FAM76A: variants seen among roughly 807,000 people sequenced by gnomAD.
The protein encoded by FAM76A is protein FAM76A.
In FAM76A, 32 loss-of-function variants were observed where a neutral mutation model predicts 46.2. That is an observed-to-expected ratio of 0.69 (90% CI 0.52 to 0.93). FAM76A has a LOEUF of 0.93. Ranked by LOEUF, FAM76A falls within the 40% of genes least tolerant of loss-of-function variation. The pLI is 0.00. For synonymous variants in FAM76A, 137 were observed against 127.0 expected, an observed-to-expected ratio of 1.08 and a Z score of -0.53; for missense variants, 274 against 361.5, an observed-to-expected ratio of 0.76 and a Z score of 1.96.
chr1:27,758,819 A>G (rs2088459077), intron 7 of FAM76A, among the ~76,000 whole-genome samples: 1 of 150,958 alleles, frequency 6.6e-6, no homozygotes, highest in Non-Finnish European at 1.5e-5. Flanking sequence ...CTCCTGGCCC[A>G]GAGTTAGGGT....
At chr1:27,753,393 AAGACAGGTCCT>A (rs1557786493) in intron 6 of FAM76A, among the ~76,000 whole-genome samples, 1 of 152,198 alleles carries the variant, frequency 6.6e-6, no homozygotes, top group African/African-American at 2.4e-5. Context: ...CAGTTGAAGA[AAGACAGGTCCT>A]TAGCAGGTAT....
intron 4 of FAM76A, among the ~76,000 whole-genome samples, chr1:27,744,158 C>T (rs1412608484): frequency 6.6e-6 from 1 of 152,090 alleles, no homozygotes; most frequent in Non-Finnish European, 1.5e-5. Flanking sequence ...GAGATGGAGT[C>T]ACGCTCTGTT....
chr1:27,745,889 G>A (rs1288680664), intron 5 of FAM76A, among the ~76,000 whole-genome samples: 1 of 152,174 alleles, frequency 6.6e-6, no homozygotes, highest in African/African-American at 2.4e-5. Flanking sequence ...GCTTTTGGCT[G>A]GGAGCTGGGG....
Position 27,760,739 on chromosome 1 carries a change from A to G in FAM76A, c.*158A>G. 1 of 497,826 alleles carries G rather than the reference A, an allele frequency of 2.0e-6. No homozygotes were observed. The highest frequency in any genetic ancestry group is 3.7e-6 in the Non-Finnish European group (1 of 269,994). The allele number at this position is 497,826 out of a possible 1,614,324, so 30.8% of individuals were successfully genotyped here. A position where few individuals can be genotyped will look rare whatever the true frequency, so the allele number is the denominator to read the frequency against. On this transcript the variant is annotated 3_prime_UTR_variant, in exon 9 of 9. Coordinates refer to ENST00000373954, the MANE Select transcript of FAM76A (RefSeq NM_152660.3). The stretch of plus-strand genomic sequence containing the variant: ...CGATTGCAGTGGGCTGAATGGAAAC[A>G]CCTGGTTTGTGCTGTGTTAGACTGC...
intron 8 of FAM76A, chr1:27,759,926 C>T (rs1009910277): frequency 2.0e-6 from 1 of 493,582 alleles, no homozygotes; most frequent in Non-Finnish European, 4.0e-6. Flanking sequence ...TACCACCATA[C>T]CCCACTAATT....
intron 4 of FAM76A, among the ~76,000 whole-genome samples, chr1:27,743,101 G>A (rs907106656): frequency 6.6e-6 from 1 of 152,010 alleles, no homozygotes. Context: ...GGTAATGCGT[G>A]TTAATTAGCT....
intron 6 of FAM76A, among the ~76,000 whole-genome samples, chr1:27,754,402 G>A (rs558041017): frequency 3.3e-5 from 5 of 152,154 alleles, no homozygotes; most frequent in African/African-American, 9.6e-5. Flanking sequence ...CACCGCGCCC[G>A]GCCTAAAACT....
intron 6 of FAM76A, among the ~76,000 whole-genome samples, chr1:27,753,196 AAG>A (rs1474304068): frequency 1.3e-5 from 2 of 152,256 alleles, no homozygotes; most frequent in East Asian, 1.9e-4. Context: ...AAAAAGAGAA[AAG>A]AGAGAGTTAG....
At chr1:27,754,163 A>C (rs913984692) in intron 6 of FAM76A, among the ~76,000 whole-genome samples, 1 of 142,160 alleles carries the variant, frequency 7.0e-6, no homozygotes, top group Admixed American at 7.2e-5. Context: ...CTGGAGTGCA[A>C]TGGCGCAATC....
At chr1:27,739,276 A>G (rs1234600058) in intron 4 of FAM76A, 5 of 520,544 alleles carry the variant, frequency 9.6e-6, no homozygotes, top group Non-Finnish European at 1.6e-5. Flanking sequence ...GCCTACTGCC[A>G]AGTAGAAGAA....
At chr1:27,755,093 G>T in intron 6 of FAM76A, 102 bp from the exon 7 acceptor site, 1 of 1,311,410 alleles carries the variant, frequency 7.6e-7, no homozygotes. Context: ...TAGGATTCCT[G>T]CCCTTTAGGA....
intron 1 of FAM76A, among the ~76,000 whole-genome samples, chr1:27,726,694 A>C (rs80182830): frequency 0.021 from 3,091 of 150,464 alleles, 92 homozygotes; most frequent in African/African-American, 0.07. Flanking sequence ...GCAAGGCTTT[A>C]TGTTTTAAAA....
chr1:27,748,787 T>A lies in FAM76A; in HGVS notation c.513-281T>A, dbSNP rs192748775. Among the ~76,000 whole-genome samples the A allele has an allele frequency of 2.3e-3, 352 of 152,290 alleles. 1 individual carries two copies. The highest frequency in any genetic ancestry group is 0.01 in the Middle Eastern group (3 of 294). On this transcript the variant is annotated intron_variant, in intron 5 of 8. Transcript: ENST00000373954. ...TGAGCCACCGCACCCGGCCTCTTAT[T>A]GAAGTTTTATTGATATTTGTTCTCA...
intron 6 of FAM76A, among the ~76,000 whole-genome samples, chr1:27,753,466 G>A (rs1025836875): frequency 1.3e-5 from 2 of 152,226 alleles, no homozygotes; most frequent in African/African-American, 4.8e-5. Context: ...TCTGAAACTA[G>A]TGGAGACTGT....
At chr1:27,739,203 G>C in intron 4 of FAM76A, 1 of 437,200 alleles carries the variant, frequency 2.3e-6, no homozygotes, top group Non-Finnish European at 4.5e-6. Context: ...AGGAAAAGCT[G>C]GTGCCCCTAT....
intron 8 of FAM76A, chr1:27,759,866 C>T: frequency 3.6e-6 from 2 of 562,460 alleles, no homozygotes; most frequent in Non-Finnish European, 6.7e-6. Context: ...CTCCCAGGCT[C>T]AGGTGATCCT....
intron 4 of FAM76A, among the ~76,000 whole-genome samples, chr1:27,744,007 G>C (rs1004344483): frequency 1.5e-4 from 23 of 151,876 alleles, no homozygotes; most frequent in Non-Finnish European, 3.2e-4. Context: ...TCTTCTCCCT[G>C]CTGAGTTTTC....
chr1:27,749,567 T>C (rs1199995765), intron 6 of FAM76A, among the ~76,000 whole-genome samples: 1 of 152,178 alleles, frequency 6.6e-6, no homozygotes, highest in Non-Finnish European at 1.5e-5. Flanking sequence ...GGTTTCACCA[T>C]GTTGACTTGA....
chr1:27,727,784 T>A (rs1165813697), intron 2 of FAM76A, among the ~76,000 whole-genome samples: 1 of 150,300 alleles, frequency 6.7e-6, no homozygotes, highest in Non-Finnish European at 1.5e-5. Flanking sequence ...CTAGTTATTA[T>A]CCATTGATTG....
Sources: allele counts gnomAD v4.1 joint callset (sites outside exome capture counted in the v4.1 genomes callset), GRCh38; gene constraint gnomAD v4.1.1; transcripts MANE v1.5; gene names NCBI Gene and HGNC (gene_info 2026-07-23, HGNC 2026-07-21).